TXNDC11: variants seen among roughly 807,000 people sequenced by gnomAD.
TXNDC11 encodes the protein thioredoxin domain-containing protein 11.
Under a neutral mutation model 78.0 loss-of-function variants are expected in TXNDC11, and 68 were observed. That is an observed-to-expected ratio of 0.87 (90% CI 0.72 to 1.07). The LOEUF is 1.07. Among genes scored for constraint, TXNDC11 ranks in the 50% least tolerant of loss-of-function variants. The probability of loss-of-function intolerance (pLI) is 0.00; values close to 1 mark genes in which losing one functional copy is unlikely to be tolerated. For missense variants in TXNDC11, 1,389 were observed against 1,221.8 expected (o/e 1.14, Z -2.04); for synonymous variants, 571 against 495.2 (o/e 1.15, Z -2.03).
At chr16:11,715,842 A>G (rs753635072) in intron 5 of TXNDC11, among the ~76,000 whole-genome samples, 6 of 152,210 alleles carry the variant, frequency 3.9e-5, no homozygotes. Context: ...TGGTCAGTCA[A>G]TGACATCATT....
At chr16:11,718,405 A>G (rs532479347) in intron 5 of TXNDC11, among the ~76,000 whole-genome samples, 27 of 152,350 alleles carry the variant, frequency 1.8e-4, no homozygotes, top group Middle Eastern at 6.8e-3. Flanking sequence ...ACTAAATGTT[A>G]TATGTGTCAA....
At chr16:11,717,727 A>C (rs923242023) in intron 5 of TXNDC11, among the ~76,000 whole-genome samples, 4 of 151,100 alleles carry the variant, frequency 2.6e-5, no homozygotes. Flanking sequence ...AGGCTGAGGC[A>C]GGAGAATCAC....
chr16:11,682,682 C>T (rs1469401717), intron 11 of TXNDC11, among the ~76,000 whole-genome samples: 1 of 152,180 alleles, frequency 6.6e-6, no homozygotes, highest in Admixed American at 6.5e-5. Flanking sequence ...ACTCCTGGCC[C>T]ACACAGATGA....
intron 8 of TXNDC11, chr16:11,689,969 T>C (rs1283311487): frequency 6.6e-6 from 1 of 152,236 alleles, no homozygotes; most frequent in Non-Finnish European, 1.5e-5. Context: ...TAACTTGATA[T>C]AGAAAAATCA....
Position 11,718,163 on chromosome 16 carries a change from GA to G in TXNDC11, c.793+3413del, listed in dbSNP as rs1168012510. Among the ~76,000 whole-genome samples the G allele has an allele frequency of 5.5e-3, 842 of 152,262 alleles. 10 individuals carry two copies. The highest frequency in any genetic ancestry group is 0.017 in the African/African-American group (711 of 41,550). ...CTCACAGCACACCCTACAGCCCTGT[GA>G]TGCTTCAGACATGGTACTCTCGCAA... On this transcript the variant is annotated intron_variant, in intron 5 of 11. Coordinates refer to ENST00000283033, the MANE Select transcript of TXNDC11 (RefSeq NM_015914.7).
At chr16:11,697,992 T>C (rs2050904115) in intron 7 of TXNDC11, 133 bp downstream of exon 7, 7 of 830,594 alleles carry the variant, frequency 8.4e-6, no homozygotes, top group African/African-American at 1.7e-5. Context: ...CAAAGAGCAA[T>C]GCTCAGAGCC....
intron 10 of TXNDC11, among the ~76,000 whole-genome samples, chr16:11,684,954 G>T (rs531226719): frequency 1.1e-3 from 168 of 152,356 alleles, no homozygotes; most frequent in African/African-American, 3.9e-3. Context: ...CACAAAAGAT[G>T]AACATGTTTT....
chr16:11,713,760 C>T (rs1278179482), intron 5 of TXNDC11, among the ~76,000 whole-genome samples: 1 of 152,012 alleles, frequency 6.6e-6, no homozygotes, highest in Admixed American at 6.5e-5. Flanking sequence ...CTATATTAGT[C>T]AGTACCCAGA....
At chr16:11,713,606 G>C (rs144421123) in intron 5 of TXNDC11, among the ~76,000 whole-genome samples, 9 of 152,008 alleles carry the variant, frequency 5.9e-5, no homozygotes, top group African/African-American at 1.9e-4. Context: ...AGTAAACACC[G>C]GGTTTCTCCG....
intron 2 of TXNDC11, among the ~76,000 whole-genome samples, chr16:11,735,741 C>G (rs911806668): frequency 6.6e-6 from 1 of 152,156 alleles, no homozygotes; most frequent in Non-Finnish European, 1.5e-5. Flanking sequence ...GTCCCTCTAC[C>G]TTTTTCAATG....
At chr16:11,697,715 T>G (rs570918847) in intron 7 of TXNDC11, among the ~76,000 whole-genome samples, 12 of 152,324 alleles carry the variant, frequency 7.9e-5, no homozygotes, top group South Asian at 2.1e-4. Flanking sequence ...GCTGGCAGTC[T>G]GGCCAAACCC....
chr16:11,742,597 G>T lies in TXNDC11; in HGVS notation c.134C>A (p.Ala45Glu). 3.4e-6 allele frequency: 5 copies of T among 1,458,382 alleles called. No individual in the cohort carries two copies. Among genetic ancestry groups the T allele is most frequent in the Non-Finnish European group, 4.5e-6 (5 of 1,111,324 alleles). 90.3% of individuals were successfully genotyped at this position (1,458,382 alleles called of 1,614,324 possible). The change falls in exon 1 of 12, where the codon GCG becomes GAG. Residue 45 changes from alanine to glutamate, a missense_variant. Coordinates refer to ENST00000283033, the MANE Select transcript of TXNDC11 (RefSeq NM_015914.7). ...ACGCAGCCCGCGACGGAGCCGGCCC[G>T]CCGAGGACGCTGTGGCCAGGGTCGG... ...SSPTLATASS[A>E]GRLRRGLRGA...
intron 11 of TXNDC11, among the ~76,000 whole-genome samples, chr16:11,683,193 C>T (rs1488841823): frequency 2.0e-5 from 3 of 152,198 alleles, no homozygotes; most frequent in Non-Finnish European, 4.4e-5. Flanking sequence ...ACATCTGCAT[C>T]TACGTTTACT....
chr16:11,742,527 C>G lies in TXNDC11; in HGVS notation c.204G>C (p.Gly68=). Residue 68 remains glycine (G), a synonymous_variant, in exon 1 of 12, where the codon GGG becomes GGC. Transcript: ENST00000283033. ...GCAGCGCGCAGCCGAGCGCCACGGC[C>G]CCGCAGAGCAGCTCCGGCCGCTGGC... is the stretch of plus-strand genomic sequence containing the variant. The part of the protein sequence containing the change: ...MARQRPELLC[G]AVALGCALLL... 2.7e-6 allele frequency: 4 copies of G among 1,458,788 alleles called. No homozygotes were observed. Among genetic ancestry groups the G allele is most frequent in the Non-Finnish European group, 3.6e-6 (4 of 1,113,440 alleles). 90.4% of individuals were successfully genotyped at this position (1,458,788 alleles called of 1,614,324 possible). A position where few individuals can be genotyped will look rare whatever the true frequency, so the allele number is the denominator to read the frequency against.
At chr16:11,739,568 A>G (rs1184183645) in intron 1 of TXNDC11, among the ~76,000 whole-genome samples, 1 of 152,162 alleles carries the variant, frequency 6.6e-6, no homozygotes, top group Non-Finnish European at 1.5e-5. Flanking sequence ...TATGAAATTC[A>G]CACCCTACAT....
At chr16:11,718,726 T>C (rs186240724) in intron 5 of TXNDC11, among the ~76,000 whole-genome samples, 133 of 152,262 alleles carry the variant, frequency 8.7e-4, no homozygotes, top group Non-Finnish European at 1.2e-3. Context: ...TAGAATTAAT[T>C]AATTAATTAA....
At chr16:11,710,983 C>G (rs2051333806) in intron 5 of TXNDC11, among the ~76,000 whole-genome samples, 1 of 150,406 alleles carries the variant, frequency 6.6e-6, no homozygotes, top group Non-Finnish European at 1.5e-5. Context: ...AACAGCAGCT[C>G]CAAGAAAGAA....
At chr16:11,733,283 A>C (rs1056158092) in intron 3 of TXNDC11, among the ~76,000 whole-genome samples, 4 of 151,634 alleles carry the variant, frequency 2.6e-5, no homozygotes, top group African/African-American at 9.7e-5. Flanking sequence ...AAATAAGATA[A>C]AATAAAACTC....
At position 11,692,013 on chromosome 16, in the gene TXNDC11, G is replaced by A. The variant is rs372598010; in HGVS notation, c.1177C>T (p.Leu393=). ...AGCACTGGAGCATCCACCCGCCGCA[G>A]GTGCTGAAGGAGACGCTCCACCACC... is the stretch of plus-strand genomic sequence containing the variant. The part of the protein sequence containing the change: ...DQVVERLLQH[L]RRVDAPVLES... Residue 393 remains leucine (L), a synonymous_variant, in exon 8 of 12, where the codon CTG becomes TTG. Transcript: ENST00000283033. The A allele has an allele frequency of 6.4e-7, 1 of 1,566,568 alleles. No homozygotes were observed. The highest frequency in any genetic ancestry group is 8.7e-7 in the Non-Finnish European group (1 of 1,155,870).
Sources: gnomAD v4.1 joint callset for allele counts (sites outside exome capture counted in the v4.1 genomes callset) on GRCh38, gnomAD v4.1.1 for gene constraint, MANE v1.5 for transcripts, NCBI Gene and HGNC (gene_info 2026-07-23, HGNC 2026-07-21) for gene names.